Variants in KLHL25 observed in about 807,000 individuals in gnomAD.
KLHL25 encodes the protein kelch like family member 25.
KLHL25 carries 41 observed loss-of-function variants against 30.0 expected under a neutral mutation model. The ratio of observed to expected loss-of-function variants is 1.37; its 90% CI spans 1.07 to 1.78. The LOEUF is 1.78. KLHL25 is among the 40% of genes most tolerant of loss of function. KLHL25 has a pLI of 0.00. For missense variants in KLHL25, 971 were observed against 824.5 expected (o/e 1.18, Z -2.18); for synonymous variants, 399 against 355.3 (o/e 1.12, Z -1.38).
chr15:85,766,895 G>C (rs2089629180), intron 2 of KLHL25, among the ~76,000 whole-genome samples: 1 of 152,208 alleles, frequency 6.6e-6, no homozygotes, highest in African/African-American at 2.4e-5. Context: ...CTCAAACCAA[G>C]GCTGTCTGTT....
chr15:85,761,663 T>C (rs530983897), intron 2 of KLHL25: 10 of 152,012 alleles, frequency 6.6e-5, no homozygotes, highest in South Asian at 2.1e-4. Flanking sequence ...ATTCCCCTAA[T>C]AGAGTAAGTT....
rs1202463314 is a variant in KLHL25 at position 85,768,912 on chromosome 15, A to G, written c.899T>C (p.Leu300Pro). The G allele has an allele frequency of 1.9e-6, 3 of 1,613,358 alleles. No individual in the cohort carries two copies. Among genetic ancestry groups the G allele is most frequent in the South Asian group, 2.2e-5 (2 of 91,090 alleles). Residue 300 changes from leucine (L) to proline (P), a missense_variant, in exon 2 of 3, where the codon CTG becomes CCG. Physicochemically the swap from Leu to Pro is moderately conservative, Grantham distance 98 (BLOSUM62 -3). Transcript: ENST00000337975. ...PRKAGHTLLILGGQTFMCDKI... is the reference protein window; with the variant it reads ...PRKAGHTLLIPGGQTFMCDKI... The stretch of plus-strand genomic sequence containing the variant: ...GTCACACATGAAGGTCTGGCCCCCC[A>G]GGATGAGTAGCGTGTGGCCCGCCTT...
At chr15:85,791,159 C>G (rs923222318) in intron 1 of KLHL25, among the ~76,000 whole-genome samples, 29 of 146,808 alleles carry the variant, frequency 2.0e-4, no homozygotes, top group Non-Finnish European at 3.9e-4. Flanking sequence ...CACACCACTG[C>G]ACTCCAGCCT....
At chr15:85,770,671 G>T in intron 1 of KLHL25, 2 of 426,374 alleles carry the variant, frequency 4.7e-6, no homozygotes, top group East Asian at 6.5e-5. Context: ...GAACCCTAAC[G>T]GAAGTGATCC....
chr15:85,771,647 G>A (rs2089675485), intron 1 of KLHL25, among the ~76,000 whole-genome samples: 1 of 152,226 alleles, frequency 6.6e-6, no homozygotes, highest in South Asian at 2.1e-4. Context: ...ACTGTACACC[G>A]AGGACCTGCC....
At chr15:85,783,314 G>A (rs375391649) in intron 1 of KLHL25, among the ~76,000 whole-genome samples, 1 of 151,470 alleles carries the variant, frequency 6.6e-6, no homozygotes, top group Non-Finnish European at 1.5e-5. Flanking sequence ...GGCTGGTCTC[G>A]AACTCCTGAC....
chr15:85,784,765 AC>A (rs2089769120), intron 1 of KLHL25, among the ~76,000 whole-genome samples: 2 of 152,182 alleles, frequency 1.3e-5, no homozygotes, highest in African/African-American at 4.8e-5. Context: ...CAGATTCTTC[AC>A]CAGAGCCTCA....
intron 1 of KLHL25, among the ~76,000 whole-genome samples, chr15:85,788,265 C>G (rs941439497): frequency 1.3e-5 from 2 of 152,280 alleles, no homozygotes; most frequent in South Asian, 4.2e-4. Context: ...TGCTACCCAC[C>G]TGGCAGGCCT....
At chr15:85,774,289 C>T (rs1176910568) in intron 1 of KLHL25, among the ~76,000 whole-genome samples, 1 of 152,184 alleles carries the variant, frequency 6.6e-6, no homozygotes, top group South Asian at 2.1e-4. Context: ...CGTAACTGCA[C>T]AATGTTGCAA....
At chr15:85,771,853 C>A (rs1302375456) in intron 1 of KLHL25, among the ~76,000 whole-genome samples, 1 of 152,254 alleles carries the variant, frequency 6.6e-6, no homozygotes, top group Non-Finnish European at 1.5e-5. Context: ...CCACAACTCA[C>A]TTGTTGGCAA....
chr15:85,759,585 C>G lies in KLHL25; in HGVS notation c.*1451G>C, dbSNP rs1415038598. The G allele has an allele frequency of 6.6e-6, 1 of 152,270 alleles. No homozygotes were observed. Among genetic ancestry groups the G allele is most frequent in the African/African-American group, 2.4e-5 (1 of 41,452 alleles). The allele number at this position is 152,270 out of a possible 1,614,324, so 9.4% of individuals were successfully genotyped here. A position where few individuals can be genotyped will look rare whatever the true frequency, so the allele number is the denominator to read the frequency against. ...CGGGGTCTGCTGGGTCTACAGGGTC[C>G]AAGGAGCCCCATGCAGCCAGTGCCC... On this transcript the variant is annotated 3_prime_UTR_variant, in exon 3 of 3. Transcript: ENST00000337975.
chr15:85,782,759 T>C lies in KLHL25; in HGVS notation c.-11+12007A>G, dbSNP rs542439622. On this transcript the variant is annotated intron_variant, in intron 1 of 2. Transcript: ENST00000337975. ...GTAAATAACATAATTTTGTCTTGTC[T>C]CCTAGAATGAACGTTCTTCTGCCCT... 2.6e-5 allele frequency among the ~76,000 whole-genome samples: 4 copies of C among 152,274 alleles called. No individual in the cohort carries two copies. The East Asian group carries it at 5.8e-4, about 22-fold the overall frequency.
At chr15:85,778,457 G>A (rs181283714) in intron 1 of KLHL25, among the ~76,000 whole-genome samples, 174 of 152,330 alleles carry the variant, frequency 1.1e-3, no homozygotes, top group African/African-American at 4.1e-3. Flanking sequence ...GCTGGGCACC[G>A]TCTCAGCACT....
At chr15:85,774,054 A>G (rs2089694302) in intron 1 of KLHL25, among the ~76,000 whole-genome samples, 1 of 152,146 alleles carries the variant, frequency 6.6e-6, no homozygotes, top group Admixed American at 6.5e-5. Context: ...CCAGCCTCAT[A>G]GCAGGGCCTG....
chr15:85,794,526 G>C (rs1192238807), intron 1 of KLHL25, among the ~76,000 whole-genome samples: 1 of 152,138 alleles, frequency 6.6e-6, no homozygotes, highest in Non-Finnish European at 1.5e-5. Flanking sequence ...TCATTCCCTC[G>C]CGCAGAGCTC....
intron 1 of KLHL25, among the ~76,000 whole-genome samples, chr15:85,779,525 T>C (rs1229939135): frequency 6.6e-6 from 1 of 152,074 alleles, no homozygotes; most frequent in Admixed American, 6.6e-5. Flanking sequence ...GGTAGGGAGG[T>C]GCCAACAAGA....
intron 2 of KLHL25, among the ~76,000 whole-genome samples, chr15:85,766,994 A>ATTTTT (rs35838334): frequency 7.1e-6 from 1 of 140,862 alleles, no homozygotes; most frequent in Non-Finnish European, 1.5e-5. Context: ...GTTGGCGATC[A>ATTTTT]TTTTTTTTTT....
At chr15:85,770,319 C>T (rs1319014424) in intron 1 of KLHL25, among the ~76,000 whole-genome samples, 1 of 152,234 alleles carries the variant, frequency 6.6e-6, no homozygotes, top group Non-Finnish European at 1.5e-5. Flanking sequence ...CCAGGATTCT[C>T]ACATGGGCTG....
At chr15:85,787,710 G>A (rs1188994237) in intron 1 of KLHL25, among the ~76,000 whole-genome samples, 3 of 152,084 alleles carry the variant, frequency 2.0e-5, no homozygotes, top group South Asian at 2.1e-4. Flanking sequence ...ATATGACGAC[G>A]CTGTGAAAAA....
Sources: gnomAD v4.1 joint callset for allele counts (sites outside exome capture counted in the v4.1 genomes callset) on GRCh38, gnomAD v4.1.1 for gene constraint, MANE v1.5 for transcripts, NCBI Gene and HGNC (gene_info 2026-07-23, HGNC 2026-07-21) for gene names.